HTR7: variants seen among roughly 807,000 people sequenced by gnomAD.
The protein encoded by HTR7 is 5-HT-7.
HTR7 carries 16 observed loss-of-function variants against 34.0 expected under a neutral mutation model. The observed-to-expected ratio is 0.47, with a 90% CI of 0.32 to 0.71. The LOEUF (loss-of-function observed/expected upper bound fraction) is 0.71. Among genes scored for constraint, HTR7 ranks in the 30% least tolerant of loss-of-function variants. HTR7 has a pLI of 0.04. For synonymous variants in HTR7, 265 were observed against 260.2 expected (o/e 1.02, Z -0.18); for missense variants, 504 against 625.5 (o/e 0.81, Z 2.07).
intron 1 of HTR7, among the ~76,000 whole-genome samples, chr10:90,844,945 G>A (rs1846391385): frequency 6.6e-6 from 1 of 151,982 alleles, no homozygotes; most frequent in South Asian, 2.1e-4. Context: ...AGCCAGGGTT[G>A]TGCACCCCGC....
intron 2 of HTR7, among the ~76,000 whole-genome samples, chr10:90,747,421 T>A (rs1283596857): frequency 6.6e-6 from 1 of 152,234 alleles, no homozygotes; most frequent in Non-Finnish European, 1.5e-5. Context: ...CATTTTTTAA[T>A]GCTACTTTTT....
chr10:90,831,158 T>C (rs528275052), intron 1 of HTR7, among the ~76,000 whole-genome samples: 3 of 152,364 alleles, frequency 2.0e-5, no homozygotes, highest in South Asian at 2.1e-4. Flanking sequence ...ACCCATGGGC[T>C]GGAGGTAGTG....
chr10:90,746,559 C>T (rs1260430043), intron 2 of HTR7, among the ~76,000 whole-genome samples: 2 of 152,146 alleles, frequency 1.3e-5, no homozygotes, highest in South Asian at 2.1e-4. Flanking sequence ...AAAACCAACA[C>T]GCTTTCCTTT....
At chr10:90,811,544 C>CTA (rs1845809336) in intron 1 of HTR7, among the ~76,000 whole-genome samples, 1 of 152,070 alleles carries the variant, frequency 6.6e-6, no homozygotes, top group South Asian at 2.1e-4. Flanking sequence ...GCAGGCTATG[C>CTA]TATAGTACAA....
intron 1 of HTR7, among the ~76,000 whole-genome samples, chr10:90,797,645 CT>C (rs1223691028): frequency 6.6e-6 from 1 of 152,164 alleles, no homozygotes; most frequent in Non-Finnish European, 1.5e-5. Context: ...AACTCTTCCC[CT>C]TATGGACTAT....
Position 90,748,945 on chromosome 10 carries a change from T to A in HTR7, c.1189A>T (p.Ser397Cys). The change falls in exon 2 of 4, where the codon AGC (serine) becomes TGC (cysteine). Residue 397 changes from serine to cysteine, a missense_variant. This residue lies in a region of HTR7 where 154 missense variants were observed against 212.1 expected (regional missense o/e 0.73). Coordinates refer to ENST00000336152, the MANE Select transcript of HTR7 (RefSeq NM_019859.4). ...FNRDLRTTYR[S>C]LLQCQYRNIN... ...TTCCGGTACTGGCACTGGAGCAGGC[T>A]GCGATAGGTGGTCCTCAGGTCCCGG... 6.2e-7 allele frequency: 1 copy of A among 1,614,150 alleles called. No individual in the cohort carries two copies. Among genetic ancestry groups the A allele is most frequent in the Non-Finnish European group, 8.5e-7 (1 of 1,180,028 alleles).
intron 1 of HTR7, among the ~76,000 whole-genome samples, chr10:90,776,212 A>C (rs922382918): frequency 1.6e-4 from 24 of 152,308 alleles, no homozygotes; most frequent in East Asian, 5.8e-4. Flanking sequence ...GTCTGTTCTC[A>C]GTACTATTTC....
chr10:90,851,449 A>G (rs1407289493), intron 1 of HTR7, among the ~76,000 whole-genome samples: 1 of 151,930 alleles, frequency 6.6e-6, no homozygotes, highest in Admixed American at 6.6e-5. Context: ...TACTAAAAAT[A>G]CAAAAATTAG....
intron 1 of HTR7, among the ~76,000 whole-genome samples, chr10:90,829,384 T>C (rs1247863481): frequency 1.3e-5 from 2 of 152,130 alleles, no homozygotes; most frequent in Non-Finnish European, 2.9e-5. Flanking sequence ...TCAAATCATT[T>C]TTTTTTTATA....
At chr10:90,757,434 A>G (rs1844848741) in intron 1 of HTR7, among the ~76,000 whole-genome samples, 1 of 152,198 alleles carries the variant, frequency 6.6e-6, no homozygotes. Flanking sequence ...CTTCCAGAAG[A>G]CTGGTAAATC....
chr10:90,786,005 A>G lies in HTR7; in HGVS notation c.540-36411T>C, dbSNP rs1370441926. On this transcript the variant is annotated intron_variant, in intron 1 of 3. Coordinates refer to ENST00000336152, the MANE Select transcript of HTR7 (RefSeq NM_019859.4). ...ACCACTGGGATGTGGCCTTTCTACA[A>G]GGTGCTTTCATACCACCTGGCTTCC... Among the ~76,000 whole-genome samples, 4 of 152,190 alleles carry G rather than the reference A, an allele frequency of 2.6e-5. No homozygotes were observed. In the East Asian group the frequency reaches 7.7e-4, roughly 29 times the overall value.
chr10:90,773,806 T>C (rs1392090356), intron 1 of HTR7, among the ~76,000 whole-genome samples: 2 of 152,226 alleles, frequency 1.3e-5, no homozygotes, highest in Non-Finnish European at 2.9e-5. Context: ...GGTTGAATAG[T>C]ACTGCATTGC....
chr10:90,826,383 G>A (rs1484728395), intron 1 of HTR7, among the ~76,000 whole-genome samples: 1 of 152,140 alleles, frequency 6.6e-6, no homozygotes, highest in Non-Finnish European at 1.5e-5. Context: ...GGAAGTAAAT[G>A]AGCAATAAGA....
At chr10:90,844,577 A>T (rs1846381831) in intron 1 of HTR7, among the ~76,000 whole-genome samples, 2 of 151,484 alleles carry the variant, frequency 1.3e-5, no homozygotes. Flanking sequence ...TACAAAAAAA[A>T]TTAGCCGGGC....
chr10:90,763,907 T>C (rs1844978112), intron 1 of HTR7, among the ~76,000 whole-genome samples: 2 of 152,210 alleles, frequency 1.3e-5, no homozygotes, highest in Admixed American at 1.3e-4. Flanking sequence ...TAAATAGTGT[T>C]GCAGTAAACA....
At position 90,742,440 on chromosome 10, in the gene HTR7, C is replaced by A; in HGVS notation, c.*42G>T. ...AGCAAATGACTTCCTTCTGTTTCCACCTCTATTTTGCCTTGTTTATTTCAT... is the reference window on the plus strand; with the variant it reads ...AGCAAATGACTTCCTTCTGTTTCCAACTCTATTTTGCCTTGTTTATTTCAT... On this transcript the variant is annotated 3_prime_UTR_variant, in exon 4 of 4. Transcript: ENST00000336152. The A allele has an allele frequency of 3.3e-6, 5 of 1,506,966 alleles. No individual in the cohort carries two copies. Among genetic ancestry groups the A allele is most frequent in the Non-Finnish European group, 4.6e-6 (5 of 1,096,268 alleles). 93.3% of individuals were successfully genotyped at this position (1,506,966 alleles called of 1,614,324 possible). A position where few individuals can be genotyped will look rare whatever the true frequency, so the allele number is the denominator to read the frequency against.
chr10:90,745,496 CA>C (rs1564666902), intron 2 of HTR7, among the ~76,000 whole-genome samples: 1 of 152,130 alleles, frequency 6.6e-6, no homozygotes, highest in Non-Finnish European at 1.5e-5. Context: ...ACATTCAGGC[CA>C]TAGCAACATA....
chr10:90,845,508 T>C (rs778370245), intron 1 of HTR7, among the ~76,000 whole-genome samples: 1 of 152,220 alleles, frequency 6.6e-6, no homozygotes, highest in Non-Finnish European at 1.5e-5. Context: ...TTGTTCATCT[T>C]TGACCAGCAG....
chr10:90,767,916 T>C (rs1258014075), intron 1 of HTR7, among the ~76,000 whole-genome samples: 2 of 152,060 alleles, frequency 1.3e-5, no homozygotes, highest in Admixed American at 6.6e-5. Context: ...AGCCAAGACT[T>C]CCCCTTGGAG....
Sources: gnomAD v4.1 joint callset for allele counts (sites outside exome capture counted in the v4.1 genomes callset) on GRCh38, gnomAD v4.1.1 for gene constraint, gnomAD v4.1.1 regional missense constraint, MANE v1.5 for transcripts, NCBI Gene and HGNC (gene_info 2026-07-23, HGNC 2026-07-21) for gene names.